The following HECW2 variants were observed in gnomAD, a reference collection of about 807,000 sequenced individuals.
HECW2 encodes E3 ubiquitin-protein ligase HECW2.
A neutral mutation model predicts 175.2 loss-of-function variants in HECW2; 61 were observed. That is an observed-to-expected ratio of 0.35 (90% confidence interval 0.28 to 0.43). The LOEUF (loss-of-function observed/expected upper bound fraction) is 0.43, where lower values mean the gene tolerates loss of function less well. HECW2 is among the 20% of genes least tolerant of loss of function. HECW2 has a pLI of 1.00. For missense variants in HECW2, 1,524 were observed against 2,000.5 expected (o/e 0.76, Z 4.54); for synonymous variants, 671 against 731.0 (o/e 0.92, Z 1.32).
chr2:196,301,020 C>T (rs1410950947), intron 13 of HECW2, among the ~76,000 whole-genome samples: 1 of 151,976 alleles, frequency 6.6e-6, no homozygotes, highest in African/African-American at 2.4e-5. Context: ...CCCTGATGCT[C>T]GCCCTCTCCC....
chr2:196,228,583 G>A (rs756330894), intron 21 of HECW2, among the ~76,000 whole-genome samples: 4 of 152,130 alleles, frequency 2.6e-5, no homozygotes, highest in African/African-American at 4.8e-5. Flanking sequence ...TAAATCTTTC[G>A]AATGTCAGGA....
chr2:196,227,920 A>G (rs1687913173), intron 22 of HECW2, among the ~76,000 whole-genome samples, 182 bp downstream of exon 22: 1 of 152,212 alleles, frequency 6.6e-6, no homozygotes, highest in African/African-American at 2.4e-5. Flanking sequence ...ATCTAGTCCT[A>G]GCTTGGAGAC....
intron 1 of HECW2, among the ~76,000 whole-genome samples, chr2:196,576,064 T>G (rs1690551114): frequency 6.7e-6 from 1 of 148,820 alleles, no homozygotes; most frequent in Non-Finnish European, 1.5e-5. Flanking sequence ...TCTCATAAGA[T>G]TATAACACCA....
intron 1 of HECW2, among the ~76,000 whole-genome samples, chr2:196,445,108 T>C (rs1696146889): frequency 6.6e-6 from 1 of 152,192 alleles, no homozygotes; most frequent in South Asian, 2.1e-4. Context: ...TTTATATTAT[T>C]CTTATCACTT....
At chr2:196,355,295 C>T (rs16850209) in intron 2 of HECW2, among the ~76,000 whole-genome samples, 39,589 of 152,140 alleles carry the variant, frequency 0.26, 6,663 homozygotes, top group African/African-American at 0.48. Flanking sequence ...TGCATGGCTA[C>T]TTTCCTTTGG....
At chr2:196,258,397 A>T (rs1341565372) in intron 17 of HECW2, among the ~76,000 whole-genome samples, 1 of 152,194 alleles carries the variant, frequency 6.6e-6, no homozygotes, top group East Asian at 1.9e-4. Flanking sequence ...TTATATATTC[A>T]GTGTAAAAGC....
At chr2:196,480,664 G>A (rs752581485) in intron 1 of HECW2, among the ~76,000 whole-genome samples, 1 of 152,232 alleles carries the variant, frequency 6.6e-6, no homozygotes, top group Non-Finnish European at 1.5e-5. Flanking sequence ...GCTGAAAGGT[G>A]AGAGACCTTG....
intron 1 of HECW2, among the ~76,000 whole-genome samples, chr2:196,588,659 T>A (rs927260932): frequency 5.3e-5 from 8 of 152,132 alleles, no homozygotes; most frequent in Non-Finnish European, 1.0e-4. Context: ...ATACATTGCA[T>A]ACACACACAC....
At chr2:196,461,692 C>T (rs556553885) in intron 1 of HECW2, among the ~76,000 whole-genome samples, 1 of 152,248 alleles carries the variant, frequency 6.6e-6, no homozygotes, top group South Asian at 2.1e-4. Flanking sequence ...GCACCTTCTT[C>T]ACAAGGTGGC....
At chr2:196,344,322 G>GAAAA (rs60573890) in intron 2 of HECW2, among the ~76,000 whole-genome samples, 698 of 67,452 alleles carry the variant, frequency 0.01, 28 homozygotes, top group African/African-American at 0.032. Flanking sequence ...GACAAGATAA[G>GAAAA]AAAAAAAAAA....
At chr2:196,204,764 G>A (rs1253603847) in intron 28 of HECW2, among the ~76,000 whole-genome samples, 1 of 152,214 alleles carries the variant, frequency 6.6e-6, no homozygotes, top group Non-Finnish European at 1.5e-5. Flanking sequence ...TCAAGAAAAG[G>A]TGGCAAATGT....
intron 4 of HECW2, among the ~76,000 whole-genome samples, chr2:196,331,477 C>CCA (rs773490490): frequency 6.6e-6 from 1 of 152,158 alleles, no homozygotes; most frequent in Non-Finnish European, 1.5e-5. Flanking sequence ...TGCAAATGGG[C>CCA]CACACGCCCC....
rs184021044 is a variant in HECW2 at position 196,464,037 on chromosome 2, T to C, written c.-35-30579A>G. On this transcript the variant is annotated intron_variant, in intron 1 of 28. Transcript: ENST00000644978. The stretch of plus-strand genomic sequence containing the variant: ...TTTCCATCTTCCAGCTTTTCCTTTT[T>C]TTTTTTTTCTGGAAATGGTTTAACC... 2.8e-4 allele frequency among the ~76,000 whole-genome samples: 42 copies of C among 152,252 alleles called. No individual in the cohort carries two copies. In the East Asian group the frequency reaches 7.7e-3, roughly 28 times the overall value.
At chr2:196,248,173 G>A (rs1688717261) in intron 19 of HECW2, among the ~76,000 whole-genome samples, 1 of 152,098 alleles carries the variant, frequency 6.6e-6, no homozygotes, top group African/African-American at 2.4e-5. Flanking sequence ...GCTTGCTGAT[G>A]TTCATGTACA....
intron 7 of HECW2, 112 bp downstream of exon 7, chr2:196,322,366 T>C: frequency 1.3e-6 from 1 of 745,370 alleles, no homozygotes; most frequent in Non-Finnish European, 2.1e-6. Flanking sequence ...TTTAAAAGAA[T>C]TGTGTTACTA....
intron 9 of HECW2, 95 bp from the exon 10 acceptor site, chr2:196,317,464 G>C (rs893977649): frequency 3.4e-6 from 3 of 887,114 alleles, no homozygotes; most frequent in Non-Finnish European, 5.5e-6. Context: ...CCCAAGGCTA[G>C]TTTCTTTTCT....
intron 1 of HECW2, among the ~76,000 whole-genome samples, chr2:196,578,684 C>A (rs1003492681): frequency 6.6e-6 from 1 of 152,046 alleles, no homozygotes; most frequent in African/African-American, 2.4e-5. Flanking sequence ...CCAAGGATGC[C>A]AAAAGGCAGC....
In HECW2 at chr2:196,320,355, C is replaced by T. The variant is rs754808253; in HGVS notation, c.969G>A (p.Thr323=). The change falls in exon 8 of 29, where the codon ACG becomes ACA. Residue 323 remains threonine (T), a synonymous_variant. Transcript: ENST00000644978. The part of the protein sequence containing the change: ...SGYLQFKVEV[T]SSVHEDASPE... ...ATATCTCACCTTCATGAACAGAAGA[C>T]GTAACCTCCACTTTAAACTGGAGGT... The T allele has an allele frequency of 5.6e-6, 9 of 1,606,634 alleles. No homozygotes were observed. Among genetic ancestry groups the T allele is most frequent in the Admixed American group, 3.3e-5 (2 of 59,930 alleles).
chr2:196,456,504 G>C (rs546382503), intron 1 of HECW2, among the ~76,000 whole-genome samples: 64 of 152,176 alleles, frequency 4.2e-4, no homozygotes, highest in Non-Finnish European at 7.6e-4. Flanking sequence ...CCTTGGGACT[G>C]ACCATATGTC....
Sources: allele counts gnomAD v4.1 joint callset (sites outside exome capture counted in the v4.1 genomes callset), GRCh38; gene constraint gnomAD v4.1.1; transcripts MANE v1.5; gene names NCBI Gene and HGNC (gene_info 2026-07-23, HGNC 2026-07-21).